The following KDM4C variants were observed in gnomAD, a reference collection of about 807,000 sequenced individuals.
KDM4C encodes the protein lysine demethylase 4C.
KDM4C carries 81 observed loss-of-function variants against 129.3 expected under a neutral mutation model. That is an observed-to-expected ratio of 0.63 (90% confidence interval 0.52 to 0.75). The LOEUF (loss-of-function observed/expected upper bound fraction) is 0.75, where lower values mean the gene tolerates loss of function less well. Ranked by LOEUF, KDM4C falls within the 30% of genes least tolerant of loss-of-function variation. The probability of loss-of-function intolerance (pLI) is 0.00; values close to 1 mark genes in which losing one functional copy is unlikely to be tolerated. For synonymous variants in KDM4C, 573 were observed against 456.1 expected, an observed-to-expected ratio of 1.26 and a Z score of -3.26; for missense variants, 1,457 against 1,304.0, an observed-to-expected ratio of 1.12 and a Z score of -1.81.
intron 1 of KDM4C, among the ~76,000 whole-genome samples, chr9:6,773,725 C>T (rs555110073): frequency 2.7e-5 from 4 of 150,390 alleles, no homozygotes; most frequent in Admixed American, 6.6e-5. Flanking sequence ...GAGTCAAGAT[C>T]GCACCATGGC....
In KDM4C at chr9:7,103,889, T is replaced by C; in HGVS notation, c.2610+19T>C. 1 of 1,610,138 alleles carries C rather than the reference T, an allele frequency of 6.2e-7. No individual in the cohort carries two copies. Among genetic ancestry groups the C allele is most frequent in the Non-Finnish European group, 8.5e-7 (1 of 1,176,724 alleles). ...CAACGTGGTAAGATGTGCCCTCCCT[T>C]CCTCAGTGCTAAGACCGTGTCTGGA... is the stretch of plus-strand genomic sequence containing the variant. On this transcript the variant is annotated intron_variant, in intron 18 of 21. Transcript: ENST00000381309.
intron 1 of KDM4C, among the ~76,000 whole-genome samples, chr9:6,787,172 G>A (rs1028290183): frequency 3.3e-5 from 5 of 152,188 alleles, no homozygotes; most frequent in African/African-American, 1.2e-4. Flanking sequence ...AATTCTAGTA[G>A]CCACTAATTT....
At position 6,822,499 on chromosome 9, in the gene KDM4C, A is replaced by G. The variant is rs545356563; in HGVS notation, c.435+7754A>G. Among the ~76,000 whole-genome samples, 43 of 152,362 alleles carry G rather than the reference A, an allele frequency of 2.8e-4. 1 individual carries two copies. Among genetic ancestry groups the G allele is most frequent in the African/African-American group, 9.9e-4 (41 of 41,584 alleles). ...TTCAGGAACCTTCTGTAGTTAAAAC[A>G]AGATCTTAGAAATAGAGCCATCTTT... is the stretch of plus-strand genomic sequence containing the variant. On this transcript the variant is annotated intron_variant, in intron 4 of 21. Coordinates refer to ENST00000381309, the MANE Select transcript of KDM4C (RefSeq NM_015061.6).
chr9:7,115,279 A>G (rs1838771697), intron 18 of KDM4C, among the ~76,000 whole-genome samples: 1 of 152,176 alleles, frequency 6.6e-6, no homozygotes, highest in South Asian at 2.1e-4. Flanking sequence ...CACAGAATTA[A>G]TATTTCTCCG....
chr9:6,771,078 A>ATT (rs1821730028), intron 1 of KDM4C, among the ~76,000 whole-genome samples: 1 of 84,644 alleles, frequency 1.2e-5, no homozygotes, highest in African/African-American at 5.6e-5. Flanking sequence ...CCGACTGTGA[A>ATT]TCTTTTTTTT....
intron 1 of KDM4C, among the ~76,000 whole-genome samples, chr9:6,781,795 A>G (rs1257563094): frequency 6.6e-6 from 1 of 152,042 alleles, no homozygotes; most frequent in Non-Finnish European, 1.5e-5. Context: ...TGGTGATACA[A>G]ATACTGATTT....
chr9:7,157,117 T>A lies in KDM4C; in HGVS notation c.2782-8121T>A, dbSNP rs138742807. ...GGTATTTTATTTTCTTTGTAGCAGT[T>A]GTGAATGGGAGTTCACCCATGATTT... On this transcript the variant is annotated intron_variant, in intron 19 of 21. Coordinates refer to ENST00000381309, the MANE Select transcript of KDM4C (RefSeq NM_015061.6). 4.0e-4 allele frequency among the ~76,000 whole-genome samples: 61 copies of A among 152,346 alleles called. 1 individual carries two copies. In the East Asian group the frequency reaches 8.1e-3, roughly 20 times the overall value.
chr9:7,105,175 G>A (rs1296226171), intron 18 of KDM4C, among the ~76,000 whole-genome samples: 1 of 152,210 alleles, frequency 6.6e-6, no homozygotes, highest in African/African-American at 2.4e-5. Context: ...TGACTGTGGT[G>A]CCTTGCCCTT....
chr9:6,760,460 T>TATATATATATATATATAA (rs1189091893), intron 1 of KDM4C, among the ~76,000 whole-genome samples: 3 of 150,406 alleles, frequency 2.0e-5, no homozygotes, highest in African/African-American at 7.3e-5. Flanking sequence ...TATATATATA[T>TATATATATATATATATAA]ATATAATGTA....
At chr9:6,974,111 A>G (rs982884907) in intron 8 of KDM4C, among the ~76,000 whole-genome samples, 20 of 152,216 alleles carry the variant, frequency 1.3e-4, no homozygotes, top group Non-Finnish European at 1.9e-4. Context: ...ACATCCAACA[A>G]GTCAGTTAGC....
intron 18 of KDM4C, among the ~76,000 whole-genome samples, chr9:7,108,303 C>G (rs1837929007): frequency 6.6e-6 from 1 of 152,104 alleles, no homozygotes; most frequent in Admixed American, 6.5e-5. Context: ...GTGGCATGAT[C>G]TCGACTCACT....
At chr9:6,909,706 T>C (rs1017814929) in intron 8 of KDM4C, among the ~76,000 whole-genome samples, 1 of 152,222 alleles carries the variant, frequency 6.6e-6, no homozygotes, top group African/African-American at 2.4e-5. Context: ...ATACACTTAT[T>C]TTGAAGTCTT....
intron 17 of KDM4C, chr9:7,076,464 T>C: frequency 1.9e-6 from 3 of 1,542,350 alleles, no homozygotes; most frequent in East Asian, 4.9e-5. Context: ...ACAGCAACAG[T>C]AACAACAACA....
chr9:6,817,522 T>C (rs948540058), intron 4 of KDM4C, among the ~76,000 whole-genome samples: 3 of 152,028 alleles, frequency 2.0e-5, no homozygotes, highest in Admixed American at 2.0e-4. Flanking sequence ...ATATTTATAA[T>C]TGAAGCTAGT....
chr9:7,011,752 C>T lies in KDM4C; in HGVS notation c.1841C>T (p.Ala614Val), dbSNP rs138474468. Residue 614 changes from alanine (A) to valine (V), a missense_variant, in exon 13 of 22, where the codon GCG becomes GTG. By Grantham distance (64) the Ala-to-Val change is moderately conservative. Transcript: ENST00000381309. ...EEEVEETESW[A>V]KPLIHLWQTK... ...GAAGTGGAAGAAACAGAGTCTTGGG[C>T]GAAACCTCTCATCCACCTTTGGCAG... 8.1e-5 allele frequency: 130 copies of T among 1,613,962 alleles called. No homozygotes were observed. Among genetic ancestry groups the T allele is most frequent in the Non-Finnish European group, 1.0e-4 (119 of 1,179,980 alleles).
At chr9:7,062,894 C>T (rs934695130) in intron 17 of KDM4C, among the ~76,000 whole-genome samples, 1 of 152,044 alleles carries the variant, frequency 6.6e-6, no homozygotes, top group Non-Finnish European at 1.5e-5. Flanking sequence ...ACTTCTGAAA[C>T]TATTAGAAAT....
At chr9:6,872,547 G>A (rs1842941404) in intron 5 of KDM4C, among the ~76,000 whole-genome samples, 1 of 152,146 alleles carries the variant, frequency 6.6e-6, no homozygotes, top group African/African-American at 2.4e-5. Context: ...ATGAATCCAG[G>A]TGCTCCTGTA....
At chr9:6,994,641 G>C (rs1819369773) in intron 12 of KDM4C, among the ~76,000 whole-genome samples, 1 of 152,116 alleles carries the variant, frequency 6.6e-6, no homozygotes, top group South Asian at 2.1e-4. Flanking sequence ...CCTGGATAAG[G>C]CAATCAGTAA....
chr9:7,156,313 C>G (rs1258828400), intron 19 of KDM4C, among the ~76,000 whole-genome samples: 15 of 152,202 alleles, frequency 9.9e-5, no homozygotes, highest in Non-Finnish European at 1.9e-4. Context: ...TGCCTGTTCA[C>G]TCTAATGGTA....
Sources: allele counts gnomAD v4.1 joint callset (sites outside exome capture counted in the v4.1 genomes callset), GRCh38; gene constraint gnomAD v4.1.1; transcripts MANE v1.5; gene names NCBI Gene and HGNC (gene_info 2026-07-23, HGNC 2026-07-21).